Variants in PTDSS2 observed in about 807,000 individuals in gnomAD.
PTDSS2 encodes PSS-2.
PTDSS2 carries 41 observed loss-of-function variants against 64.7 expected under a neutral mutation model. The observed-to-expected ratio is 0.63, with a 90% CI of 0.49 to 0.82. PTDSS2 has a LOEUF of 0.82. Among genes scored for constraint, PTDSS2 ranks in the 40% least tolerant of loss-of-function variants. The pLI, the probability that PTDSS2 is intolerant of heterozygous loss-of-function variation, is 0.00. For synonymous variants in PTDSS2, 297 were observed against 277.8 expected (o/e 1.07, Z -0.69); for missense variants, 485 against 650.0 (o/e 0.75, Z 2.76).
rs1006935352 is a variant in PTDSS2, at chr11:470,880, A to T, written c.285-3015A>T. The stretch of plus-strand genomic sequence containing the variant: ...TGGGATTACAGGCGTGAGCCACCGC[A>T]CCCAGCCAGCACCGGCTTATTAATG... On this transcript the variant is annotated intron_variant, in intron 2 of 11. Transcript: ENST00000308020. The surrounding 1 kb of genome is among the most constrained non-coding windows in gnomAD (Gnocchi z 5.3). Among the ~76,000 whole-genome samples, 2 of 151,934 alleles carry T rather than the reference A, an allele frequency of 1.3e-5. No individual in the cohort carries two copies. Among genetic ancestry groups the T allele is most frequent in the Non-Finnish European group, 2.9e-5 (2 of 67,980 alleles).
chr11:471,090 A>G (rs1847404419), intron 2 of PTDSS2, among the ~76,000 whole-genome samples: 1 of 148,846 alleles, frequency 6.7e-6, no homozygotes, highest in Non-Finnish European at 1.5e-5. Flanking sequence ...CAAGTACTTA[A>G]GTAATTCTTT....
chr11:462,405 G>A lies in PTDSS2; in HGVS notation c.284+2117G>A, dbSNP rs1021339858. Among the ~76,000 whole-genome samples, 1 of 152,178 alleles carries A rather than the reference G, an allele frequency of 6.6e-6. No individual in the cohort carries two copies. The highest frequency in any genetic ancestry group is 1.5e-5 in the Non-Finnish European group (1 of 68,028). ...GAGGGGCCAGGAGACGGGAATTCAC[G>A]GGGCCCTGGGCACTCTTCTCTGAGG... On this transcript the variant is annotated intron_variant, in intron 2 of 11. Coordinates refer to ENST00000308020, the MANE Select transcript of PTDSS2 (RefSeq NM_030783.3). The surrounding 1 kb of genome is among the most constrained non-coding windows in gnomAD (Gnocchi z 4.5).
At position 465,902 on chromosome 11, in the gene PTDSS2, A is replaced by G. The variant is rs145740018; in HGVS notation, c.284+5614A>G. ...GGCTGCAGTGAGCTATGGTAGCACC[A>G]CTGCACTCCAGCCTAGGCGACAGAG... On this transcript the variant is annotated intron_variant, in intron 2 of 11. Coordinates refer to ENST00000308020, the MANE Select transcript of PTDSS2 (RefSeq NM_030783.3). Among the ~76,000 whole-genome samples, 1,028 of 152,274 alleles carry G rather than the reference A, an allele frequency of 6.8e-3. 9 individuals carry two copies. The highest frequency in any genetic ancestry group is 0.013 in the Admixed American group (194 of 15,288).
At chr11:473,796 GC>G in intron 2 of PTDSS2, 98 bp from the exon 3 acceptor site, 1 of 919,788 alleles carries the variant, frequency 1.1e-6, no homozygotes, top group East Asian at 2.4e-5. Flanking sequence ...AGCATCAGGG[GC>G]TGTTCCACAA....
Position 469,794 on chromosome 11 carries a change from C to G in PTDSS2, c.285-4101C>G, listed in dbSNP as rs114726073. 8.0e-3 allele frequency among the ~76,000 whole-genome samples: 1,213 copies of G among 152,104 alleles called. 20 individuals are homozygous for G. The highest frequency in any genetic ancestry group is 0.028 in the African/African-American group (1,166 of 41,466). On this transcript the variant is annotated intron_variant, in intron 2 of 11. Transcript: ENST00000308020. ...GGGCTCTGAGGAGAAATGGCTGATT[C>G]CAGCACCGGGGCAGGAAATGCCCAG...
rs1026780388 is a variant in PTDSS2 at position 478,938 on chromosome 11, A to T, written c.368-147A>T. On this transcript the variant is annotated intron_variant, in intron 3 of 11. Transcript: ENST00000308020. ...GAAATTGTGCCTAATTCTGAGTTAC[A>T]GCTTTCTTTATAAAGGCTCTCCCAG... The T allele has an allele frequency of 7.5e-6, 5 of 670,002 alleles. No individual in the cohort carries two copies. The African/African-American group carries it at 9.0e-5, about 12-fold the overall frequency. 41.5% of individuals were successfully genotyped at this position (670,002 alleles called of 1,614,324 possible). A position where few individuals can be genotyped will look rare whatever the true frequency, so the allele number is the denominator to read the frequency against.
chr11:467,720 G>A (rs56142722), intron 2 of PTDSS2, among the ~76,000 whole-genome samples: 34,144 of 152,114 alleles, frequency 0.22, 4,179 homozygotes, highest in African/African-American at 0.33. Flanking sequence ...GCAACAGTGC[G>A]AGACTCTGTC....
At chr11:463,998 T>C (rs1847028405) in intron 2 of PTDSS2, 1 of 152,076 alleles carries the variant, frequency 6.6e-6, no homozygotes, top group South Asian at 2.1e-4. Flanking sequence ...TTTTTTTCTT[T>C]TTTTGGAGAC....
chr11:488,218 G>T lies in PTDSS2; in HGVS notation c.641G>T (p.Trp214Leu), dbSNP rs749668275. ...CCACAGACCCTGATGATCCGAGACT[G>T]GTGGATGTGCATGATCATCAGCGTG... ...WYLKTLMIRD[W>L]WMCMIISVMF... Residue 214 changes from tryptophan to leucine, a missense_variant, in exon 7 of 12, where the codon TGG becomes TTG. Trp to Leu is a moderately conservative substitution (Grantham distance 61, BLOSUM62 -2). This residue lies in a region of PTDSS2 where 251 missense variants were observed against 348.0 expected (regional missense o/e 0.72). Transcript: ENST00000308020. 3 of 1,613,108 alleles carry T rather than the reference G, an allele frequency of 1.9e-6. No individual in the cohort carries two copies. The highest frequency in any genetic ancestry group is 2.5e-6 in the Non-Finnish European group (3 of 1,179,598).
In PTDSS2 at chr11:490,197, G is replaced by A. The variant is rs941077150; in HGVS notation, c.1301+129G>A. The A allele has an allele frequency of 3.0e-5, 35 of 1,182,840 alleles. No homozygotes were observed. The African/African-American group carries it at 3.4e-4, about 11-fold the overall frequency. The allele number at this position is 1,182,840 out of a possible 1,614,324, so 73.3% of individuals were successfully genotyped here. On this transcript the variant is annotated intron_variant, in intron 11 of 11. Coordinates refer to ENST00000308020, the MANE Select transcript of PTDSS2 (RefSeq NM_030783.3). ...GCTTCAACCCTCTGGCCGCCTCTGC[G>A]GGAGGCGCCTTTCCTGACCCAGCCC...
In PTDSS2 at chr11:479,831, T is replaced by C. The variant is rs1451975165; in HGVS notation, c.435+679T>C. On this transcript the variant is annotated intron_variant, in intron 4 of 11. Transcript: ENST00000308020. The surrounding 1 kb of genome is among the most constrained non-coding windows in gnomAD (Gnocchi z 4.2). ...CTTTATTAATACTCTTTGTTCTGTT[T>C]AACTTAGTGTAAACACACATTTTTG... is the stretch of plus-strand genomic sequence containing the variant. Among the ~76,000 whole-genome samples the C allele has an allele frequency of 6.6e-6, 1 of 152,224 alleles. No homozygotes were observed. The highest frequency in any genetic ancestry group is 1.5e-5 in the Non-Finnish European group (1 of 68,032).
At chr11:475,652 C>A (rs1847770352) in intron 3 of PTDSS2, among the ~76,000 whole-genome samples, 1 of 152,176 alleles carries the variant, frequency 6.6e-6, no homozygotes, top group East Asian at 1.9e-4. Context: ...ACTTCAGGTT[C>A]AACGACTTTA....
In PTDSS2 at chr11:475,178, A is replaced by G. The variant is rs76493981; in HGVS notation, c.367+1201A>G. ...ATATTCACGCGTTTGTGATACGGAC[A>G]TATTCACGCGTTTATGATATGGACA... On this transcript the variant is annotated intron_variant, in intron 3 of 11. Transcript: ENST00000308020. Among the ~76,000 whole-genome samples the G allele has an allele frequency of 2.1e-5, 3 of 143,840 alleles. No homozygotes were observed. In the East Asian group the frequency reaches 6.1e-4, roughly 29 times the overall value. The allele number at this position is 143,840 out of a possible 152,430, so 94.4% of individuals were successfully genotyped here. A position where few individuals can be genotyped will look rare whatever the true frequency, so the allele number is the denominator to read the frequency against.
chr11:490,643 G>A lies in PTDSS2; in HGVS notation c.*61G>A. The A allele has an allele frequency of 1.3e-6, 2 of 1,486,290 alleles. No individual in the cohort carries two copies. The highest frequency in any genetic ancestry group is 2.2e-5 in the Admixed American group (1 of 46,162). 92.1% of individuals were successfully genotyped at this position (1,486,290 alleles called of 1,614,324 possible). A position where few individuals can be genotyped will look rare whatever the true frequency, so the allele number is the denominator to read the frequency against. Reference sequence around the variant, plus strand: ...CCAGGCCTCCGTGGCCTCCTCCTGTGTGAGTCCCACCAGGAGCCACGTGCC... The same window carrying A: ...CCAGGCCTCCGTGGCCTCCTCCTGTATGAGTCCCACCAGGAGCCACGTGCC... On this transcript the variant is annotated 3_prime_UTR_variant, in exon 12 of 12. Coordinates refer to ENST00000308020, the MANE Select transcript of PTDSS2 (RefSeq NM_030783.3).
chr11:466,401 C>CTTTTT (rs1226254389), intron 2 of PTDSS2, among the ~76,000 whole-genome samples: 11 of 120,800 alleles, frequency 9.1e-5, no homozygotes, highest in African/African-American at 3.1e-4. Context: ...AACTGCCACT[C>CTTTTT]TTTTTTTTTT....
At chr11:452,159 G>A (rs972119798) in intron 1 of PTDSS2, among the ~76,000 whole-genome samples, 2 of 152,184 alleles carry the variant, frequency 1.3e-5, no homozygotes, top group East Asian at 1.9e-4. Flanking sequence ...GAGAACAGAC[G>A]GGCTCCTCTG....
rs181564259 is a variant in PTDSS2 at position 458,249 on chromosome 11, G to A, written c.183-1938G>A. ...AGATTGAGTCTCGCTCTGTCGCCCAGGCTGGAGTGCAGTGGCGCGATCTCG... is the reference window on the plus strand; with the variant it reads ...AGATTGAGTCTCGCTCTGTCGCCCAAGCTGGAGTGCAGTGGCGCGATCTCG... On this transcript the variant is annotated intron_variant, in intron 1 of 11. Transcript: ENST00000308020. 2.8e-3 allele frequency among the ~76,000 whole-genome samples: 424 copies of A among 150,708 alleles called. 1 individual carries two copies. Among genetic ancestry groups the A allele is most frequent in the African/African-American group, 9.7e-3 (397 of 41,084 alleles).
Position 460,322 on chromosome 11 carries a change from G to A in PTDSS2, c.284+34G>A. 1 of 1,562,514 alleles carries A rather than the reference G, an allele frequency of 6.4e-7. No individual in the cohort carries two copies. The highest frequency in any genetic ancestry group is 8.8e-7 in the Non-Finnish European group (1 of 1,134,496). ...CCCTCTTGTCCTGCCTTCTGAAACTGCCCTGTGCCCCGTGTGGTGGGTGTG... is the reference window on the plus strand; with the variant it reads ...CCCTCTTGTCCTGCCTTCTGAAACTACCCTGTGCCCCGTGTGGTGGGTGTG... On this transcript the variant is annotated intron_variant, in intron 2 of 11. Coordinates refer to ENST00000308020, the MANE Select transcript of PTDSS2 (RefSeq NM_030783.3). This position sits in a 1 kb window ranked among gnomAD's most constrained non-coding sequence, Gnocchi z 5.8.
rs1221405758 is a variant in PTDSS2 at position 479,466 on chromosome 11, G to C, written c.435+314G>C. 1 of 460,610 alleles carries C rather than the reference G, an allele frequency of 2.2e-6. No homozygotes were observed. The highest frequency in any genetic ancestry group is 4.3e-5 in the East Asian group (1 of 23,502). 28.5% of individuals were successfully genotyped at this position (460,610 alleles called of 1,614,324 possible). ...TAAGGAGGGCAGGGCCAGTGGTGCA[G>C]GCACAGAAGAGGGCAGGGCCAGTGG... On this transcript the variant is annotated intron_variant, in intron 4 of 11. Coordinates refer to ENST00000308020, the MANE Select transcript of PTDSS2 (RefSeq NM_030783.3). The surrounding 1 kb of genome is among the most constrained non-coding windows in gnomAD (Gnocchi z 4.2).
Sources: gnomAD v4.1 joint callset for allele counts (sites outside exome capture counted in the v4.1 genomes callset) on GRCh38, gnomAD v4.1.1 for gene constraint, gnomAD v4.1.1 regional missense constraint, Gnocchi (gnomAD v3.1) non-coding constraint, MANE v1.5 for transcripts, NCBI Gene and HGNC (gene_info 2026-07-23, HGNC 2026-07-21) for gene names.